The following ACACB variants were observed in gnomAD, a reference collection of about 807,000 sequenced individuals.
ACACB encodes acetyl-CoA carboxylase 2.
ACACB carries 209 observed loss-of-function variants against 278.8 expected under a neutral mutation model. The ratio of observed to expected loss-of-function variants is 0.75; its 90% CI spans 0.67 to 0.84. The LOEUF (loss-of-function observed/expected upper bound fraction) is 0.84, where lower values mean the gene tolerates loss of function less well. Ranked by LOEUF, ACACB falls within the 40% of genes least tolerant of loss-of-function variation. ACACB has a pLI of 0.00. For missense variants in ACACB, 2,850 were observed against 3,269.0 expected, an observed-to-expected ratio of 0.87 and a Z score of 3.13; for synonymous variants, 1,174 against 1,285.6, an observed-to-expected ratio of 0.91 and a Z score of 1.86.
intron 28 of ACACB, among the ~76,000 whole-genome samples, chr12:109,231,739 G>T (rs1167684222): frequency 6.6e-6 from 1 of 152,174 alleles, no homozygotes; most frequent in Non-Finnish European, 1.5e-5. Context: ...TGCTGCCAGG[G>T]TCCTCTCCCA....
At chr12:109,259,449 T>C (rs1474363848) in intron 47 of ACACB, among the ~76,000 whole-genome samples, 1 of 151,874 alleles carries the variant, frequency 6.6e-6, no homozygotes, top group African/African-American at 2.4e-5. Context: ...TAGCTGGGCA[T>C]GGTGGCACAT....
At position 109,191,647 on chromosome 12, in the gene ACACB, C is replaced by T. The variant is rs1018207163; in HGVS notation, c.2179C>T (p.Arg727Ter). ...GGTGGCTTTGAAGGAACTGTCCATC[C>T]GAGGCGACTTTAGGACTACCGTGGA... is the stretch of plus-strand genomic sequence containing the variant. ...MVVALKELSI[R>*]GDFRTTVEYL... The change falls in exon 14 of 53, where the codon CGA (arginine) becomes TGA (stop). Residue 727 changes from arginine to a stop codon, truncating the protein, a stop_gained. Coordinates refer to ENST00000338432, the MANE Select transcript of ACACB (RefSeq NM_001093.4). LOFTEE classifies it high-confidence loss of function. The T allele has an allele frequency of 6.8e-6, 11 of 1,614,032 alleles. No individual in the cohort carries two copies. The highest frequency in any genetic ancestry group is 6.7e-5 in the African/African-American group (5 of 74,926).
intron 39 of ACACB, among the ~76,000 whole-genome samples, chr12:109,246,886 A>G (rs965629189): frequency 6.6e-6 from 1 of 152,160 alleles, no homozygotes; most frequent in African/African-American, 2.4e-5. Flanking sequence ...TAGGTAACCT[A>G]GGCAGCATAG....
Position 109,234,055 on chromosome 12 carries a change from G to C in ACACB, c.4347+10G>C, listed in dbSNP as rs1244796265. 6.3e-7 allele frequency: 1 copy of C among 1,592,320 alleles called. No homozygotes were observed. Among genetic ancestry groups the C allele is most frequent in the Admixed American group, 1.7e-5 (1 of 57,856 alleles). ...ATTCGTACAGTCCAAGGTACTCTGG[G>C]CGTGCCTCTGGTTTTGGTGGGGGTT... is the stretch of plus-strand genomic sequence containing the variant. On this transcript the variant is annotated intron_variant, in intron 31 of 52. Coordinates refer to ENST00000338432, the MANE Select transcript of ACACB (RefSeq NM_001093.4).
rs144024630 is a variant in ACACB, at chr12:109,174,593, G to A, written c.1216+363G>A. The stretch of plus-strand genomic sequence containing the variant: ...AGATCTTGGCCAGTGGCTCATGTCT[G>A]TAACCCAACCCCCCAACCCAGTGCT... On this transcript the variant is annotated intron_variant, in intron 7 of 52. Coordinates refer to ENST00000338432, the MANE Select transcript of ACACB (RefSeq NM_001093.4). Among the ~76,000 whole-genome samples the A allele has an allele frequency of 1.0e-3, 150 of 150,350 alleles. 1 individual carries two copies. The highest frequency in any genetic ancestry group is 1.8e-3 in the Non-Finnish European group (120 of 67,698).
intron 27 of ACACB, among the ~76,000 whole-genome samples, chr12:109,225,089 ATCTT>A (rs375950154): frequency 2.7e-3 from 409 of 152,286 alleles, no homozygotes; most frequent in African/African-American, 8.9e-3. Flanking sequence ...CTCTGGAAGA[ATCTT>A]TCTCAGGCCT....
intron 4 of ACACB, among the ~76,000 whole-genome samples, chr12:109,170,011 C>T (rs2044057422): frequency 1.3e-5 from 2 of 152,334 alleles, no homozygotes; most frequent in South Asian, 4.1e-4. Flanking sequence ...GATGTCCCAA[C>T]CCCTGTGTTT....
At chr12:109,123,629 G>A (rs1386614958) in intron 1 of ACACB, among the ~76,000 whole-genome samples, 2 of 151,114 alleles carry the variant, frequency 1.3e-5, no homozygotes, top group Non-Finnish European at 3.0e-5. Flanking sequence ...GGAGGCAGAG[G>A]TTGCATTGAG....
chr12:109,174,243 G>C lies in ACACB; in HGVS notation c.1216+13G>C. Reference sequence around the variant, plus strand: ...TGGAGTGGAAGCGGTAAGGGACCCCGAGCTTCCCTCTGGGGGAGCTTCTCA... The same window carrying C: ...TGGAGTGGAAGCGGTAAGGGACCCCCAGCTTCCCTCTGGGGGAGCTTCTCA... On this transcript the variant is annotated intron_variant, in intron 7 of 52. Transcript: ENST00000338432. The C allele has an allele frequency of 6.2e-7, 1 of 1,600,834 alleles. No homozygotes were observed. The highest frequency in any genetic ancestry group is 8.5e-7 in the Non-Finnish European group (1 of 1,173,414).
In ACACB at chr12:109,259,010, C is replaced by T; in HGVS notation, c.6398C>T (p.Ser2133Leu). ...GCAGGACAGGTGTGGTTCCCAGACT[C>T]AGCCTACAAAACCGCCCAGGCCGTC... ...QQAGQVWFPD[S>L]AYKTAQAVKD... The change falls in exon 47 of 53, where the codon TCA (serine) becomes TTA (leucine). Residue 2133 changes from serine (S) to leucine (L), a missense_variant. Ser to Leu is a moderately radical substitution (Grantham distance 145). This residue lies in a region of ACACB where 579 missense variants were observed against 684.6 expected (regional missense o/e 0.85). Coordinates refer to ENST00000338432, the MANE Select transcript of ACACB (RefSeq NM_001093.4). 3 of 1,614,180 alleles carry T rather than the reference C, an allele frequency of 1.9e-6. No homozygotes were observed. Among genetic ancestry groups the T allele is most frequent in the Non-Finnish European group, 2.5e-6 (3 of 1,180,020 alleles).
Position 109,172,260 on chromosome 12 carries a change from T to A in ACACB, c.1036-15T>A. 1 of 1,612,958 alleles carries A rather than the reference T, an allele frequency of 6.2e-7. No homozygotes were observed. The highest frequency in any genetic ancestry group is 8.5e-7 in the Non-Finnish European group (1 of 1,179,502). On this transcript the variant is annotated splice_polypyrimidine_tract_variant and intron_variant, in intron 5 of 52. Transcript: ENST00000338432. The stretch of plus-strand genomic sequence containing the variant: ...TTGAAGGAAGATTGTTGCTCACCCC[T>A]TTCTGTGTTTGCAGGCGGTGTGGGC...
At chr12:109,218,718 A>G (rs534892545) in intron 24 of ACACB, among the ~76,000 whole-genome samples, 37 of 149,154 alleles carry the variant, frequency 2.5e-4, no homozygotes, top group Non-Finnish European at 5.2e-4. Context: ...CAATGGCATA[A>G]TCTTGGCTCA....
intron 1 of ACACB, among the ~76,000 whole-genome samples, 167 bp from the exon 2 acceptor site, chr12:109,139,230 G>A (rs1285637948): frequency 6.6e-6 from 1 of 152,158 alleles, no homozygotes; most frequent in Non-Finnish European, 1.5e-5. Flanking sequence ...GAAGGAATAT[G>A]TCCAAGCCTG....
intron 21 of ACACB, among the ~76,000 whole-genome samples, chr12:109,209,812 CAT>C (rs1347079271): frequency 3.5e-5 from 5 of 142,546 alleles, no homozygotes; most frequent in South Asian, 2.2e-4. Context: ...TATACACACA[CAT>C]ATATATGCAT....
intron 1 of ACACB, among the ~76,000 whole-genome samples, chr12:109,132,054 G>C (rs550096695): frequency 1.3e-5 from 2 of 152,328 alleles, no homozygotes; most frequent in African/African-American, 4.8e-5. Context: ...CTCCACTGCA[G>C]TGGTGGGACA....
At chr12:109,222,062 ATTT>A (rs1303716386) in intron 24 of ACACB, among the ~76,000 whole-genome samples, 1 of 139,182 alleles carries the variant, frequency 7.2e-6, no homozygotes, top group Non-Finnish European at 1.6e-5. Flanking sequence ...TAATTTTTCT[ATTT>A]TTTTTTTTGT....
chr12:109,138,517 A>G (rs1206142574), intron 1 of ACACB, among the ~76,000 whole-genome samples: 2 of 152,096 alleles, frequency 1.3e-5, no homozygotes, highest in African/African-American at 4.8e-5. Flanking sequence ...GATGATGATG[A>G]CAGAAGCAAC....
chr12:109,133,621 TCTTATATCTCACAATTTCAA>T, intron 1 of ACACB, among the ~76,000 whole-genome samples: 1 of 151,942 alleles, frequency 6.6e-6, no homozygotes, highest in Non-Finnish European at 1.5e-5. Flanking sequence ...ACCTGCTGTT[TCTTATATCTCACAATTTCAA>T]ATGCACACAT....
Position 109,241,261 on chromosome 12 carries a change from A to C in ACACB, c.5002A>C (p.Thr1668Pro). The C allele has an allele frequency of 6.2e-7, 1 of 1,614,168 alleles. No homozygotes were observed. Among genetic ancestry groups the C allele is most frequent in the Non-Finnish European group, 8.5e-7 (1 of 1,180,018 alleles). ...YLDISLYKEV[T>P]DSRSGNIMFH... ...GGACATCAGCCTCTACAAAGAAGTG[A>C]CTGACTCCAGATCTGGAAATGTAAG... Residue 1668 changes from threonine to proline, a missense_variant, in exon 36 of 53, where the codon ACT (threonine) becomes CCT (proline). Transcript: ENST00000338432.
Sources: gnomAD v4.1 joint callset for allele counts (sites outside exome capture counted in the v4.1 genomes callset) on GRCh38, gnomAD v4.1.1 for gene constraint, gnomAD v4.1.1 regional missense constraint, MANE v1.5 for transcripts, NCBI Gene and HGNC (gene_info 2026-07-23, HGNC 2026-07-21) for gene names.